The following RASEF variants were observed in gnomAD, a reference collection of about 807,000 sequenced individuals.
RASEF encodes RAS and EF-hand domain containing, also known as ras and EF-hand domain-containing protein.
RASEF carries 68 observed loss-of-function variants against 90.1 expected under a neutral mutation model. The ratio of observed to expected loss-of-function variants is 0.75; its 90% CI spans 0.62 to 0.92. The LOEUF (loss-of-function observed/expected upper bound fraction) is 0.92, where lower values mean the gene tolerates loss of function less well. RASEF is among the 40% of genes least tolerant of loss of function. RASEF has a pLI of 0.00. For synonymous variants in RASEF, 331 were observed against 345.2 expected, an observed-to-expected ratio of 0.96 and a Z score of 0.46; for missense variants, 949 against 937.2, an observed-to-expected ratio of 1.01 and a Z score of -0.16.
At position 83,000,044 on chromosome 9, in the gene RASEF, T is replaced by C. The variant is rs543506738; in HGVS notation, c.1723+125A>G. The C allele has an allele frequency of 1.2e-5, 9 of 740,030 alleles. No individual in the cohort carries two copies. The East Asian group carries it at 2.3e-4, about 19-fold the overall frequency. The allele number at this position is 740,030 out of a possible 1,614,324, so 45.8% of individuals were successfully genotyped here. ...ACACACACACACACACACATTTATA[T>C]ATGTGTGCATACACAGAGAAAGAGA... is the stretch of plus-strand genomic sequence containing the variant. On this transcript the variant is annotated intron_variant, in intron 12 of 16. Transcript: ENST00000376447.
At chr9:83,154,007 G>T in the RASEF span, among the ~76,000 whole-genome samples, 10 of 152,192 alleles carry the variant, frequency 6.6e-5, no homozygotes, top group African/African-American at 1.2e-4. Flanking sequence ...ACATCTGGTT[G>T]AGCCCTGGTT....
the RASEF span, among the ~76,000 whole-genome samples, chr9:83,127,999 G>A: frequency 6.6e-6 from 1 of 150,414 alleles, no homozygotes; most frequent in Non-Finnish European, 1.5e-5. Context: ...TACTATAAAG[G>A]GCTTTTTCTT....
intron 16 of RASEF, among the ~76,000 whole-genome samples, chr9:82,987,757 A>G (rs1389681326): frequency 6.6e-6 from 1 of 152,236 alleles, no homozygotes; most frequent in African/African-American, 2.4e-5. Flanking sequence ...GGCTCTTAGA[A>G]TTAGAAAGGA....
At chr9:83,098,503 G>T in the RASEF span, among the ~76,000 whole-genome samples, 1 of 152,056 alleles carries the variant, frequency 6.6e-6, no homozygotes, top group South Asian at 2.1e-4. Context: ...TTGACAGAAA[G>T]ATTTTATTTA....
At chr9:83,198,850 T>C in the RASEF span, among the ~76,000 whole-genome samples, 1 of 151,322 alleles carries the variant, frequency 6.6e-6, no homozygotes, top group Non-Finnish European at 1.5e-5. Context: ...GAGGGATAAA[T>C]GTAGGGGAGG....
the RASEF span, among the ~76,000 whole-genome samples, chr9:83,206,084 T>C: frequency 6.6e-6 from 1 of 152,214 alleles, no homozygotes; most frequent in Non-Finnish European, 1.5e-5. Flanking sequence ...ATAAAAAATA[T>C]TATAAGCATA....
the RASEF span, among the ~76,000 whole-genome samples, chr9:83,101,100 A>T: frequency 6.6e-6 from 1 of 152,152 alleles, no homozygotes; most frequent in Non-Finnish European, 1.5e-5. Context: ...TCCCCCTTTA[A>T]ATGTGCATTT....
At chr9:83,062,351 CA>C in intron 1 of RASEF, 85 bp downstream of exon 1, 1 of 1,265,340 alleles carries the variant, frequency 7.9e-7, no homozygotes. Context: ...GGGGGGGGGC[CA>C]TTGGGTCTGC....
At chr9:83,128,736 C>T in the RASEF span, among the ~76,000 whole-genome samples, 5 of 152,142 alleles carry the variant, frequency 3.3e-5, no homozygotes, top group African/African-American at 1.2e-4. Flanking sequence ...TGAGCTATAA[C>T]ACAAGTGGGC....
chr9:83,206,312 T>G, the RASEF span, among the ~76,000 whole-genome samples: 2 of 152,142 alleles, frequency 1.3e-5, no homozygotes, highest in East Asian at 3.9e-4. Flanking sequence ...TCTTTGTTTT[T>G]AATCTACACA....
chr9:83,211,170 T>C, the RASEF span, among the ~76,000 whole-genome samples: 1 of 152,214 alleles, frequency 6.6e-6, no homozygotes, highest in Non-Finnish European at 1.5e-5. Flanking sequence ...TCTCCTTCAA[T>C]CTGGACAGAT....
chr9:83,041,049 T>G (rs948720831), intron 1 of RASEF, among the ~76,000 whole-genome samples: 1 of 152,094 alleles, frequency 6.6e-6, no homozygotes, highest in Non-Finnish European at 1.5e-5. Context: ...TTAGTAGAGA[T>G]AGAGTTTCAA....
the RASEF span, among the ~76,000 whole-genome samples, chr9:83,089,903 TAGATAGATAGATA>T: frequency 7.2e-6 from 1 of 138,102 alleles, no homozygotes; most frequent in African/African-American, 2.6e-5. Context: ...GATAGATAGA[TAGATAGATAGATA>T]GATAGATAGA....
upstream of RASEF, among the ~76,000 whole-genome samples, chr9:83,067,120 C>T (rs1554711745): frequency 6.6e-6 from 1 of 152,042 alleles, no homozygotes; most frequent in Admixed American, 6.5e-5. Flanking sequence ...AGATTTCCTT[C>T]AGGTACGAGA....
At chr9:83,183,580 C>T in the RASEF span, among the ~76,000 whole-genome samples, 2 of 152,176 alleles carry the variant, frequency 1.3e-5, no homozygotes, top group East Asian at 3.9e-4. Flanking sequence ...GATAGCTTGA[C>T]TTCCATTAAA....
chr9:83,067,625 G>T (rs559670928), upstream of RASEF, among the ~76,000 whole-genome samples: 1 of 152,184 alleles, frequency 6.6e-6, no homozygotes, highest in South Asian at 2.1e-4. Context: ...TCAGACTTTG[G>T]AAAATCTTTC....
chr9:83,083,883 A>T, the RASEF span, among the ~76,000 whole-genome samples: 39 of 152,286 alleles, frequency 2.6e-4, 1 homozygote, highest in South Asian at 8.1e-3. Context: ...TTCTATTTCT[A>T]GGGCTTTATA....
chr9:83,057,541 T>C (rs1360983187), intron 1 of RASEF, among the ~76,000 whole-genome samples: 1 of 151,970 alleles, frequency 6.6e-6, no homozygotes, highest in African/African-American at 2.4e-5. Flanking sequence ...GATACAGACA[T>C]AAACAGAGAC....
the RASEF span, among the ~76,000 whole-genome samples, chr9:83,115,146 C>T: frequency 4.6e-5 from 7 of 152,042 alleles, no homozygotes; most frequent in African/African-American, 1.5e-4. Flanking sequence ...CGTGAAATAT[C>T]GGGGGTGAAT....
Sources: gnomAD v4.1 joint callset for allele counts (sites outside exome capture counted in the v4.1 genomes callset) on GRCh38, gnomAD v4.1.1 for gene constraint, MANE v1.5 for transcripts, NCBI Gene and HGNC (gene_info 2026-07-23, HGNC 2026-07-21) for gene names.